Variants in ATF2 observed in about 807,000 individuals in gnomAD.
ATF2 encodes the protein cyclic AMP-dependent transcription factor ATF-2.
In ATF2, 24 loss-of-function variants were observed where a neutral mutation model predicts 60.6. The observed-to-expected ratio is 0.40, with a 90% CI of 0.29 to 0.56. The LOEUF is 0.56. ATF2 is among the 20% of genes least tolerant of loss of function. The probability of loss-of-function intolerance (pLI) is 0.54; values close to 1 mark genes in which losing one functional copy is unlikely to be tolerated. For synonymous variants in ATF2, 206 were observed against 215.4 expected (o/e 0.96, Z 0.38); for missense variants, 433 against 607.7 (o/e 0.71, Z 3.02).
rs1692994318 is a variant in ATF2, at chr2:175,072,311, TA to T, written c.*2297del. On this transcript the variant is annotated 3_prime_UTR_variant, in exon 14 of 14. Coordinates refer to ENST00000264110, the MANE Select transcript of ATF2 (RefSeq NM_001880.4). ...ATGGTTTACTCATGCAAACTGCACA[TA>T]AAAGAAAATAGTACAGTTTGTGTAA... The T allele has an allele frequency of 1.3e-5, 2 of 152,036 alleles. No homozygotes were observed. The highest frequency in any genetic ancestry group is 4.1e-4 in the South Asian group (2 of 4,824). The allele number at this position is 152,036 out of a possible 1,614,324, so 9.4% of individuals were successfully genotyped here.
intron 2 of ATF2, among the ~76,000 whole-genome samples, chr2:175,141,960 G>C (rs1364872597): frequency 2.0e-5 from 3 of 151,804 alleles, no homozygotes; most frequent in Non-Finnish European, 4.4e-5. Context: ...ACTAACAATT[G>C]CTCCCAAGAT....
chr2:175,134,142 T>C (rs1393935309), intron 3 of ATF2, among the ~76,000 whole-genome samples: 4 of 152,178 alleles, frequency 2.6e-5, no homozygotes, highest in African/African-American at 9.6e-5. Context: ...GTACTAAACA[T>C]GTACAGACTT....
intron 6 of ATF2, 47 bp downstream of exon 6, chr2:175,118,204 C>T: frequency 1.3e-6 from 2 of 1,591,074 alleles, no homozygotes; most frequent in Non-Finnish European, 1.7e-6. Context: ...ACTATGATTA[C>T]TTTTCTGTCA....
chr2:175,082,375 C>A (rs1693824338), intron 12 of ATF2, among the ~76,000 whole-genome samples: 1 of 152,108 alleles, frequency 6.6e-6, no homozygotes, highest in South Asian at 2.1e-4. Context: ...GATAAGCTGT[C>A]ATTTAGGAAA....
Position 175,097,313 on chromosome 2 carries a change from C to T in ATF2, c.978+131G>A, listed in dbSNP as rs1694996860. 6.2e-6 allele frequency: 8 copies of T among 1,300,378 alleles called. 1 individual carries two copies. The Admixed American group carries it at 1.9e-4, about 31-fold the overall frequency. 80.6% of individuals were successfully genotyped at this position (1,300,378 alleles called of 1,614,324 possible). A position where few individuals can be genotyped will look rare whatever the true frequency, so the allele number is the denominator to read the frequency against. On this transcript the variant is annotated intron_variant, in intron 11 of 13. Transcript: ENST00000264110. ...ATACTTGTATACTGAGCTACCTTTT[C>T]CTGAGGCTTTTGATACATCTTTGGA...
At chr2:175,096,017 C>T (rs1482463111) in intron 11 of ATF2, among the ~76,000 whole-genome samples, 1 of 152,148 alleles carries the variant, frequency 6.6e-6, no homozygotes, top group Non-Finnish European at 1.5e-5. Context: ...ATGACAACCA[C>T]AACTACATTT....
chr2:175,148,661 C>A (rs903135315), intron 2 of ATF2, among the ~76,000 whole-genome samples: 1 of 152,194 alleles, frequency 6.6e-6, no homozygotes, highest in African/African-American at 2.4e-5. Flanking sequence ...ATTGATAGAA[C>A]AGACTCTTTA....
intron 13 of ATF2, among the ~76,000 whole-genome samples, chr2:175,075,630 A>G (rs1693238690): frequency 6.6e-6 from 1 of 152,156 alleles, no homozygotes; most frequent in Non-Finnish European, 1.5e-5. Context: ...TAGATAACAC[A>G]CAAATATTTA....
chr2:175,145,199 T>C (rs1698865853), intron 2 of ATF2, among the ~76,000 whole-genome samples: 2 of 152,106 alleles, frequency 1.3e-5, no homozygotes, highest in Admixed American at 1.3e-4. Context: ...TAAGCACACT[T>C]AGCATCCAGA....
chr2:175,122,369 T>C (rs1222735170), intron 4 of ATF2, among the ~76,000 whole-genome samples: 1 of 151,998 alleles, frequency 6.6e-6, no homozygotes, highest in African/African-American at 2.4e-5. Flanking sequence ...CAGGGAGCTG[T>C]TATTTCAGAG....
intron 10 of ATF2, among the ~76,000 whole-genome samples, chr2:175,109,740 T>C (rs1696040398): frequency 6.6e-6 from 1 of 152,326 alleles, no homozygotes; most frequent in Admixed American, 6.5e-5. Flanking sequence ...TAAATTAAAT[T>C]GAATTTTTCA....
intron 5 of ATF2, among the ~76,000 whole-genome samples, chr2:175,121,047 T>C (rs1027614038): frequency 6.6e-6 from 1 of 151,840 alleles, no homozygotes; most frequent in Admixed American, 6.6e-5. Context: ...CTGCTCACTG[T>C]TCTTTCTCCA....
rs904388999 is a variant in ATF2, at chr2:175,074,359, T to A, written c.*250A>T. ...AATGAATTATAATACAATTTACACA[T>A]TGAGCACAGAAAAATTAATAAATCT... On this transcript the variant is annotated 3_prime_UTR_variant, in exon 14 of 14. Transcript: ENST00000264110. The A allele has an allele frequency of 7.0e-6, 2 of 286,314 alleles. No homozygotes were observed. Among genetic ancestry groups the A allele is most frequent in the African/African-American group, 4.4e-5 (2 of 45,230 alleles). 17.7% of individuals were successfully genotyped at this position (286,314 alleles called of 1,614,324 possible). A position where few individuals can be genotyped will look rare whatever the true frequency, so the allele number is the denominator to read the frequency against.
In ATF2 at chr2:175,073,658, G is replaced by A. The variant is rs1167028234; in HGVS notation, c.*951C>T. 2 of 151,880 alleles carry A rather than the reference G, an allele frequency of 1.3e-5. No homozygotes were observed. The highest frequency in any genetic ancestry group is 2.9e-5 in the Non-Finnish European group (2 of 67,982). 9.4% of individuals were successfully genotyped at this position (151,880 alleles called of 1,614,324 possible). ...GTTAGCTCGCAAGTACAAGACAATG[G>A]GGGTAAACAGTCTTAAATTTTCTAA... On this transcript the variant is annotated 3_prime_UTR_variant, in exon 14 of 14. Transcript: ENST00000264110.
chr2:175,160,499 C>T (rs1007861225), intron 1 of ATF2, among the ~76,000 whole-genome samples: 2 of 152,164 alleles, frequency 1.3e-5, no homozygotes, highest in East Asian at 3.8e-4. Context: ...AAGTGTATTA[C>T]TACAAAAAAT....
chr2:175,101,177 T>G (rs1340671347), intron 10 of ATF2, among the ~76,000 whole-genome samples: 1 of 152,066 alleles, frequency 6.6e-6, no homozygotes, highest in Non-Finnish European at 1.5e-5. Context: ...CCCTAATTGA[T>G]GGGATAATGT....
At position 175,122,952 on chromosome 2, in the gene ATF2, C is replaced by T. The variant is rs112380932; in HGVS notation, c.103-1412G>A. Among the ~76,000 whole-genome samples, 294 of 152,130 alleles carry T rather than the reference C, an allele frequency of 1.9e-3. 1 individual carries two copies. The highest frequency in any genetic ancestry group is 6.9e-3 in the African/African-American group (285 of 41,534). Reference sequence around the variant, plus strand: ...CTTAGTCTTTGGATTACTTCACATGCCAACAGAAAACTATTATTTTATAAC... The same window carrying T: ...CTTAGTCTTTGGATTACTTCACATGTCAACAGAAAACTATTATTTTATAAC... On this transcript the variant is annotated intron_variant, in intron 4 of 13. Transcript: ENST00000264110.
intron 7 of ATF2, among the ~76,000 whole-genome samples, chr2:175,117,751 T>G (rs982429975): frequency 1.6e-4 from 24 of 151,938 alleles, no homozygotes; most frequent in African/African-American, 5.6e-4. Context: ...TATAAATTTA[T>G]ATATCTTTTA....
intron 1 of ATF2, among the ~76,000 whole-genome samples, chr2:175,158,327 G>C (rs1450274578): frequency 9.4e-5 from 14 of 149,138 alleles, no homozygotes; most frequent in Non-Finnish European, 1.6e-4. Context: ...CTGGGCTCAA[G>C]TGATCCTCCC....
Sources: gnomAD v4.1 joint callset for allele counts (sites outside exome capture counted in the v4.1 genomes callset) on GRCh38, gnomAD v4.1.1 for gene constraint, MANE v1.5 for transcripts, NCBI Gene and HGNC (gene_info 2026-07-23, HGNC 2026-07-21) for gene names.